Variants in RGS18 observed in about 807,000 individuals in gnomAD.
RGS18 encodes regulator of G-protein signaling 18.
In RGS18, 22 loss-of-function variants were observed where a neutral mutation model predicts 27.6. The observed-to-expected ratio is 0.80, with a 90% CI of 0.57 to 1.14. The LOEUF (loss-of-function observed/expected upper bound fraction) is 1.14, where lower values mean the gene tolerates loss of function less well. Ranked by LOEUF, RGS18 falls within the 50% of genes most tolerant of loss-of-function variation. The pLI is 0.00. For missense variants in RGS18, 299 were observed against 269.6 expected (o/e 1.11, Z -0.76); for synonymous variants, 89 against 84.6 (o/e 1.05, Z -0.29).
intron 3 of RGS18, chr1:192,161,455 A>G (rs1450226142): frequency 6.6e-6 from 1 of 152,226 alleles, no homozygotes; most frequent in Non-Finnish European, 1.5e-5. Context: ...TCTTTCAGAT[A>G]GAAAGACTCA....
intron 3 of RGS18, among the ~76,000 whole-genome samples, chr1:192,177,068 T>G (rs539272504): frequency 1.3e-5 from 2 of 151,800 alleles, no homozygotes; most frequent in African/African-American, 4.8e-5. Flanking sequence ...CTGTCACTGA[T>G]AGCCATTTCT....
chr1:192,172,770 T>A (rs1656283824), intron 3 of RGS18, among the ~76,000 whole-genome samples: 1 of 151,358 alleles, frequency 6.6e-6, no homozygotes, highest in Non-Finnish European at 1.5e-5. Context: ...TAGTTCCTTT[T>A]TTCCCACAGT....
At chr1:192,181,966 G>T (rs931338570) in intron 4 of RGS18, among the ~76,000 whole-genome samples, 5 of 151,486 alleles carry the variant, frequency 3.3e-5, no homozygotes, top group African/African-American at 1.2e-4. Context: ...TTGTGTGCCT[G>T]GCTTATTTCA....
chr1:192,173,449 T>C (rs550369858), intron 3 of RGS18, among the ~76,000 whole-genome samples: 2 of 152,050 alleles, frequency 1.3e-5, no homozygotes, highest in East Asian at 3.9e-4. Context: ...TATTAGAATT[T>C]ATCCTCGTCT....
chr1:192,171,002 A>G (rs1362674276), intron 3 of RGS18, among the ~76,000 whole-genome samples: 1 of 152,148 alleles, frequency 6.6e-6, no homozygotes, highest in Non-Finnish European at 1.5e-5. Flanking sequence ...AATAATCCCT[A>G]TGGGTGCTTA....
intron 3 of RGS18, chr1:192,168,019 T>C (rs757800080): frequency 3.9e-5 from 6 of 152,208 alleles, no homozygotes; most frequent in Non-Finnish European, 7.3e-5. Context: ...ATTACATGCA[T>C]TTCATATTTG....
rs940668834 is a variant in RGS18 at position 192,158,522 on chromosome 1, T to C, written c.-116T>C. 3 of 913,298 alleles carry C rather than the reference T, an allele frequency of 3.3e-6. No individual in the cohort carries two copies. The highest frequency in any genetic ancestry group is 4.1e-5 in the Admixed American group (1 of 24,100). The allele number at this position is 913,298 out of a possible 1,614,324, so 56.6% of individuals were successfully genotyped here. A position where few individuals can be genotyped will look rare whatever the true frequency, so the allele number is the denominator to read the frequency against. On this transcript the variant is annotated 5_prime_UTR_variant, in exon 1 of 5. Coordinates refer to ENST00000367460, the MANE Select transcript of RGS18 (RefSeq NM_130782.3). ...GCTCTTGACTTCTTTTTTGTAAACA[T>C]TACTGTAAGAGTTGTGATAACTTTT...
intron 3 of RGS18, chr1:192,160,668 T>C: frequency 2.2e-6 from 1 of 449,300 alleles, no homozygotes; most frequent in Non-Finnish European, 4.0e-6. Context: ...ATATTAGTTA[T>C]TTATACTGTA....
At chr1:192,161,462 C>A (rs1017842471) in intron 3 of RGS18, 1 of 152,180 alleles carries the variant, frequency 6.6e-6, no homozygotes, top group Non-Finnish European at 1.5e-5. Context: ...GATAGAAAGA[C>A]TCAACTGAGC....
chr1:192,158,559 G>A lies in RGS18; in HGVS notation c.-79G>A. 1 of 1,253,830 alleles carries A rather than the reference G, an allele frequency of 8.0e-7. No homozygotes were observed. Among genetic ancestry groups the A allele is most frequent in the Non-Finnish European group, 1.1e-6 (1 of 937,540 alleles). The allele number at this position is 1,253,830 out of a possible 1,614,324, so 77.7% of individuals were successfully genotyped here. ...TTGTGATAACTTTTTATTCTACTAT[G>A]TATATGTATGGAATAGTATTAATAA... On this transcript the variant is annotated 5_prime_UTR_variant, in exon 1 of 5. It removes an upstream start codon present in the reference 5' UTR. Coordinates refer to ENST00000367460, the MANE Select transcript of RGS18 (RefSeq NM_130782.3).
intron 3 of RGS18, among the ~76,000 whole-genome samples, chr1:192,180,081 G>C (rs1353705552): frequency 6.6e-6 from 1 of 151,590 alleles, no homozygotes; most frequent in Non-Finnish European, 1.5e-5. Flanking sequence ...AAAGATAGTT[G>C]AAAGAGCGTT....
intron 3 of RGS18, among the ~76,000 whole-genome samples, chr1:192,164,517 A>G (rs1194048677): frequency 6.6e-6 from 1 of 152,164 alleles, no homozygotes; most frequent in Non-Finnish European, 1.5e-5. Flanking sequence ...TAAAAAAAAA[A>G]TGAGTAAATA....
intron 3 of RGS18, among the ~76,000 whole-genome samples, chr1:192,166,845 G>T (rs1278862933): frequency 1.3e-5 from 2 of 152,128 alleles, no homozygotes; most frequent in African/African-American, 4.8e-5. Flanking sequence ...GGTTTTGTAA[G>T]TGCACACCTA....
chr1:192,166,860 A>G (rs984323546), intron 3 of RGS18, among the ~76,000 whole-genome samples: 1 of 152,204 alleles, frequency 6.6e-6, no homozygotes, highest in African/African-American at 2.4e-5. Context: ...CACCTAAAAT[A>G]TGGAAGGCTG....
Position 192,166,209 on chromosome 1 carries a change from A to C in RGS18, c.283+5770A>C, listed in dbSNP as rs577530127. ...AAAATGATACTGCTGCATAACACAT[A>C]ACTTCTAAAATAACTTGCTAAACAG... On this transcript the variant is annotated intron_variant, in intron 3 of 4. Transcript: ENST00000367460. Among the ~76,000 whole-genome samples, 5 of 152,286 alleles carry C rather than the reference A, an allele frequency of 3.3e-5. No individual in the cohort carries two copies. The East Asian group carries it at 9.7e-4, about 29-fold the overall frequency.
chr1:192,184,374 A>C lies in RGS18; in HGVS notation c.528A>C (p.Ala176=). The C allele has an allele frequency of 6.2e-7, 1 of 1,611,856 alleles. No homozygotes were observed. The highest frequency in any genetic ancestry group is 8.5e-7 in the Non-Finnish European group (1 of 1,178,596). Residue 176 remains alanine (A), a synonymous_variant, in exon 5 of 5, where the codon GCA becomes GCC. Transcript: ENST00000367460. ...CTACCCTCCACAGTTTTGATGCTGC[A>C]CAAAGCAGAGTGTATCAGCTCATGG... ...TQPTLHSFDA[A]QSRVYQLMEQ...
chr1:192,162,563 G>A (rs529819287), intron 3 of RGS18, among the ~76,000 whole-genome samples: 18 of 152,256 alleles, frequency 1.2e-4, no homozygotes, highest in South Asian at 6.2e-4. Flanking sequence ...GATTACAGGC[G>A]TGAGTCATCA....
intron 3 of RGS18, among the ~76,000 whole-genome samples, chr1:192,171,620 C>G (rs1313437607): frequency 1.3e-5 from 2 of 152,050 alleles, no homozygotes; most frequent in African/African-American, 4.8e-5. Context: ...CTATGTCATC[C>G]TTTTCTTGTG....
At chr1:192,159,046 C>T (rs773252589) in intron 1 of RGS18, among the ~76,000 whole-genome samples, 174 bp from the exon 2 acceptor site, 1 of 151,866 alleles carries the variant, frequency 6.6e-6, no homozygotes, top group Non-Finnish European at 1.5e-5. Flanking sequence ...AAAGGAGAAA[C>T]ATTTTCGTAT....
Sources: gnomAD v4.1 joint callset for allele counts (sites outside exome capture counted in the v4.1 genomes callset) on GRCh38, gnomAD v4.1.1 for gene constraint, MANE v1.5 for transcripts, NCBI Gene and HGNC (gene_info 2026-07-23, HGNC 2026-07-21) for gene names.